ARHGEF1: variants seen among roughly 807,000 people sequenced by gnomAD.
The protein encoded by ARHGEF1 is 115 kDa guanine nucleotide exchange factor.
ARHGEF1 carries 40 observed loss-of-function variants against 119.7 expected under a neutral mutation model. The observed-to-expected ratio is 0.33, with a 90% CI of 0.26 to 0.44. The LOEUF (loss-of-function observed/expected upper bound fraction) is 0.44. Among genes scored for constraint, ARHGEF1 ranks in the 20% least tolerant of loss-of-function variants. The pLI is 1.00. For missense variants in ARHGEF1, 976 were observed against 1,268.3 expected (o/e 0.77, Z 3.50); for synonymous variants, 494 against 521.0 (o/e 0.95, Z 0.71).
rs782471489 is a variant in ARHGEF1, at chr19:41,902,949, AT to A, written c.1738+59del. ...CTCGGCTCTCCTCTTTTTTTTTTAC[AT>A]TTTTTTTCTCACTCATTTTCATCAG... On this transcript the variant is annotated intron_variant, in intron 18 of 28. Transcript: ENST00000354532. This position sits in a 1 kb window ranked among gnomAD's most constrained non-coding sequence, Gnocchi z 6.5. 4.9e-5 allele frequency: 69 copies of A among 1,415,300 alleles called. No homozygotes were observed. Among genetic ancestry groups the A allele is most frequent in the South Asian group, 1.1e-4 (8 of 76,084 alleles). 87.7% of individuals were successfully genotyped at this position (1,415,300 alleles called of 1,614,324 possible). A position where few individuals can be genotyped will look rare whatever the true frequency, so the allele number is the denominator to read the frequency against.
downstream of ARHGEF1, chr19:41,908,712 T>A: frequency 4.4e-6 from 5 of 1,134,780 alleles, no homozygotes; most frequent in Non-Finnish European, 5.6e-6. The surrounding 1 kb of genome is among the most constrained non-coding windows in gnomAD (Gnocchi z 6.7). Context: ...CTGGGGCACC[T>A]GCCTGCCTGG....
At chr19:41,897,855 C>T in intron 13 of ARHGEF1, 1 of 1,239,242 alleles carries the variant, frequency 8.1e-7, no homozygotes, top group Non-Finnish European at 1.0e-6. Context: ...TGTCCCTGTC[C>T]TGGTTTCTCT....
chr19:41,884,339 G>C (rs933056186), intron 1 of ARHGEF1: 3 of 1,371,854 alleles, frequency 2.2e-6, no homozygotes, highest in East Asian at 4.9e-5. Flanking sequence ...GCAGGAGCCG[G>C]GCTAGAGCGG....
upstream of ARHGEF1, among the ~76,000 whole-genome samples, chr19:41,920,298 C>T (rs1259783621): frequency 1.1e-4 from 15 of 138,338 alleles, no homozygotes; most frequent in East Asian, 2.1e-4. Context: ...CACAGACATG[C>T]GCTCACAGAC....
At chr19:41,907,668 C>G (rs2074723715), downstream of ARHGEF1, 1 of 420,968 alleles carries the variant, frequency 2.4e-6, no homozygotes, top group Admixed American at 4.2e-5. Flanking sequence ...CAGCTCCCAC[C>G]CCCGATCCCC....
chr19:41,897,261 G>C (rs1555848014), intron 13 of ARHGEF1: 4 of 1,280,614 alleles, frequency 3.1e-6, no homozygotes, highest in African/African-American at 1.5e-5. Flanking sequence ...GTGCGGGGAG[G>C]TGGGTCAGGT....
intron 1 of ARHGEF1, among the ~76,000 whole-genome samples, chr19:41,885,533 C>G (rs1474669459): frequency 5.9e-5 from 9 of 152,222 alleles, no homozygotes; most frequent in African/African-American, 1.9e-4. Flanking sequence ...GCGATCTCAG[C>G]TCACTGCAAC....
At chr19:41,898,999 A>T (rs995076743) in intron 14 of ARHGEF1, among the ~76,000 whole-genome samples, 5 of 152,096 alleles carry the variant, frequency 3.3e-5, no homozygotes, top group East Asian at 1.9e-4. Context: ...TTATTTTTTT[A>T]AATTTTTATT....
In ARHGEF1 at chr19:41,895,540, T is replaced by A; in HGVS notation, c.1015+54T>A. 11 of 1,529,872 alleles carry A rather than the reference T, an allele frequency of 7.2e-6. No individual in the cohort carries two copies. The South Asian group carries it at 1.2e-4, about 16-fold the overall frequency. The allele number at this position is 1,529,872 out of a possible 1,614,324, so 94.8% of individuals were successfully genotyped here. On this transcript the variant is annotated intron_variant, in intron 12 of 28. Coordinates refer to ENST00000354532, the MANE Select transcript of ARHGEF1 (RefSeq NM_004706.4). Reference sequence around the variant, plus strand: ...GAGGCCCGGCGATCCAGGGTGGGGGTGCTGCCTGCCCCCTTGGCACCCCCA... The same window carrying A: ...GAGGCCCGGCGATCCAGGGTGGGGGAGCTGCCTGCCCCCTTGGCACCCCCA...
chr19:41,904,395 C>A lies in ARHGEF1; in HGVS notation c.2161+12C>A. The A allele has an allele frequency of 2.6e-6, 4 of 1,551,702 alleles. No individual in the cohort carries two copies. Among genetic ancestry groups the A allele is most frequent in the Non-Finnish European group, 3.5e-6 (4 of 1,152,816 alleles). Reference sequence around the variant, plus strand: ...CGAGGTGGCCACCGGTGAGTGCAGCCACTGCATGGCCCAGGGCAGAGGGTG... The same window carrying A: ...CGAGGTGGCCACCGGTGAGTGCAGCAACTGCATGGCCCAGGGCAGAGGGTG... On this transcript the variant is annotated intron_variant, in intron 22 of 28. Coordinates refer to ENST00000354532, the MANE Select transcript of ARHGEF1 (RefSeq NM_004706.4). The surrounding 1 kb of genome is among the most constrained non-coding windows in gnomAD (Gnocchi z 8.4).
At position 41,884,481 on chromosome 19, in the gene ARHGEF1, C is replaced by A. The variant is rs555585297; in HGVS notation, c.-20+1192C>A. The A allele has an allele frequency of 6.2e-4, 993 of 1,607,670 alleles. 11 individuals are homozygous for A. In the South Asian group the frequency reaches 0.01, roughly 17 times the overall value. On this transcript the variant is annotated intron_variant, in intron 1 of 28. Transcript: ENST00000354532. Reference sequence around the variant, plus strand: ...CCGGTGGCGGCGATGGCTTCTCTTTCCACCTGGAGCAGGTGAGGGACGCGG... The same window carrying A: ...CCGGTGGCGGCGATGGCTTCTCTTTACACCTGGAGCAGGTGAGGGACGCGG...
At chr19:41,913,129 C>A (rs1472129575) in intron 18 of ARHGEF1, among the ~76,000 whole-genome samples, 1 of 152,036 alleles carries the variant, frequency 6.6e-6, no homozygotes, top group East Asian at 1.9e-4. Flanking sequence ...CCCCGAGACC[C>A]CGTTCCTTCC....
intron 8 of ARHGEF1, among the ~76,000 whole-genome samples, chr19:41,893,915 G>A (rs2074426655): frequency 7.7e-6 from 1 of 129,802 alleles, no homozygotes; most frequent in Admixed American, 7.9e-5. Context: ...GGACTCCTGG[G>A]TCTGAGGGAG....
chr19:41,910,072 G>A (rs1264450129), downstream of ARHGEF1: 67 of 1,613,108 alleles, frequency 4.2e-5, no homozygotes, highest in Non-Finnish European at 5.6e-5. This position sits in a 1 kb window ranked among gnomAD's most constrained non-coding sequence, Gnocchi z 4.4. Context: ...ACTCTGGCTT[G>A]TAGGCCCAAT....
In ARHGEF1 at chr19:41,892,628, C is replaced by G. The variant is rs554668510; in HGVS notation, c.393C>G (p.Ser131=). ...ACCGCACTAGGGCTGACCTCATCTCCGAGGATGTCCAGCGGCGGTTCGTGC... is the reference window on the plus strand; with the variant it reads ...ACCGCACTAGGGCTGACCTCATCTCGGAGGATGTCCAGCGGCGGTTCGTGC... ...ELDRTRADLI[S]EDVQRRFVQE... The change falls in exon 7 of 29, where the codon TCC becomes TCG. Residue 131 remains serine (S), a synonymous_variant. Transcript: ENST00000354532. This position sits in a 1 kb window ranked among gnomAD's most constrained non-coding sequence, Gnocchi z 6.3. The G allele has an allele frequency of 7.2e-5, 116 of 1,609,818 alleles. No individual in the cohort carries two copies. The highest frequency in any genetic ancestry group is 9.3e-5 in the Non-Finnish European group (110 of 1,177,450).
Position 41,902,479 on chromosome 19 carries a change from C to T in ARHGEF1, c.1498-54C>T, listed in dbSNP as rs933706460. 1.4e-4 allele frequency: 231 copies of T among 1,612,720 alleles called. No homozygotes were observed. Among genetic ancestry groups the T allele is most frequent in the Non-Finnish European group, 1.9e-4 (228 of 1,179,740 alleles). On this transcript the variant is annotated intron_variant, in intron 16 of 28. Transcript: ENST00000354532. The surrounding 1 kb of genome is among the most constrained non-coding windows in gnomAD (Gnocchi z 6.5). The stretch of plus-strand genomic sequence containing the variant: ...GCTTCCAGCCTGTCGTACTTTAGTC[C>T]CTGTTCTTGCCCATCCCCACTGAGA...
rs2074804229 is a variant in ARHGEF1 at position 41,916,778 on chromosome 19, A to G, written c.1866-6314A>G. Among the ~76,000 whole-genome samples the G allele has an allele frequency of 2.0e-5, 3 of 151,988 alleles. No individual in the cohort carries two copies. In the South Asian group the frequency reaches 6.2e-4, roughly 32 times the overall value. On this transcript the variant is annotated intron_variant, in intron 18 of 20. Coordinates refer to the ARHGEF1 transcript ENST00000599589. The surrounding 1 kb of genome is among the most constrained non-coding windows in gnomAD (Gnocchi z 5.4). ...AGCCAACGCACACGGCCACACACAC[A>G]CCCATTCACAGACACAGTCACAATC... is the stretch of plus-strand genomic sequence containing the variant.
At chr19:41,920,036 GAT>G, upstream of ARHGEF1, among the ~76,000 whole-genome samples, 1 of 129,544 alleles carries the variant, frequency 7.7e-6, no homozygotes, top group Non-Finnish European at 1.6e-5. Context: ...TCACAGACAT[GAT>G]ACGCTCACAG....
At chr19:41,887,528 G>A (rs2074311860) in intron 1 of ARHGEF1, among the ~76,000 whole-genome samples, 1 of 152,076 alleles carries the variant, frequency 6.6e-6, no homozygotes, top group Non-Finnish European at 1.5e-5. Context: ...TTTCTTATGT[G>A]GAGAGTTGGG....
Sources: gnomAD v4.1 joint callset for allele counts (sites outside exome capture counted in the v4.1 genomes callset) on GRCh38, gnomAD v4.1.1 for gene constraint, Gnocchi (gnomAD v3.1) non-coding constraint, MANE v1.5 for transcripts, NCBI Gene and HGNC (gene_info 2026-07-23, HGNC 2026-07-21) for gene names.